SUGCT: variants seen among roughly 807,000 people sequenced by gnomAD.
SUGCT encodes the protein succinyl-CoA:glutarate CoA-transferase.
SUGCT carries 41 observed loss-of-function variants against 55.0 expected under a neutral mutation model. The observed-to-expected ratio is 0.74, with a 90% CI of 0.58 to 0.97. SUGCT has a LOEUF of 0.97. Among genes scored for constraint, SUGCT ranks in the 50% least tolerant of loss-of-function variants. The pLI is 0.00. For synonymous variants in SUGCT, 187 were observed against 200.4 expected (o/e 0.93, Z 0.56); for missense variants, 568 against 547.8 (o/e 1.04, Z -0.37).
chr7:40,948,572 A>T, the SUGCT span, among the ~76,000 whole-genome samples: 5 of 152,232 alleles, frequency 3.3e-5, no homozygotes, highest in African/African-American at 1.2e-4. Context: ...CGTCATCTAC[A>T]CTAGGTATTT....
chr7:40,579,647 G>A (rs888477653), intron 12 of SUGCT, among the ~76,000 whole-genome samples: 1 of 152,186 alleles, frequency 6.6e-6, no homozygotes, highest in Non-Finnish European at 1.5e-5. Flanking sequence ...GCACGTGGGT[G>A]TCTAGATTCC....
At chr7:40,424,945 A>G (rs1787509599) in intron 9 of SUGCT, among the ~76,000 whole-genome samples, 1 of 152,138 alleles carries the variant, frequency 6.6e-6, no homozygotes, top group Non-Finnish European at 1.5e-5. Flanking sequence ...AGCTATTGTA[A>G]TTATTTACAA....
At chr7:40,810,360 C>A (rs565296688) in intron 13 of SUGCT, among the ~76,000 whole-genome samples, 2 of 152,264 alleles carry the variant, frequency 1.3e-5, no homozygotes, top group African/African-American at 4.8e-5. Flanking sequence ...TCCACAGTGG[C>A]TGAACTAATT....
chr7:40,403,844 T>C (rs1786218044), intron 9 of SUGCT, among the ~76,000 whole-genome samples: 1 of 152,234 alleles, frequency 6.6e-6, no homozygotes. Flanking sequence ...AGTGCAAACA[T>C]GCCCTTTTAA....
chr7:40,250,770 T>C (rs1408382204), intron 7 of SUGCT, among the ~76,000 whole-genome samples: 3 of 151,376 alleles, frequency 2.0e-5, no homozygotes, highest in Non-Finnish European at 4.4e-5. Context: ...TAAAAGATCC[T>C]GTGGGGGTTG....
At chr7:40,339,505 A>G (rs1188859950) in intron 9 of SUGCT, among the ~76,000 whole-genome samples, 2 of 152,142 alleles carry the variant, frequency 1.3e-5, no homozygotes, top group African/African-American at 4.8e-5. Flanking sequence ...CCGCTGTGCT[A>G]GCAATGAGTG....
rs189466933 is a variant in SUGCT, at chr7:40,571,044, T to C, written c.1089+74658T>C. Among the ~76,000 whole-genome samples, 43 of 152,138 alleles carry C rather than the reference T, an allele frequency of 2.8e-4. No individual in the cohort carries two copies. In the South Asian group the frequency reaches 6.2e-3, roughly 22 times the overall value. On this transcript the variant is annotated intron_variant, in intron 12 of 13. Coordinates refer to ENST00000335693, the MANE Select transcript of SUGCT (RefSeq NM_001193313.2). ...TATAAAAGCTGTAGGCTTTTATAAA[T>C]GTACCACTTTCTTTCTGGGCCTCAG...
intron 13 of SUGCT, among the ~76,000 whole-genome samples, chr7:40,859,891 T>C (rs565209097): frequency 1.8e-4 from 28 of 152,286 alleles, no homozygotes; most frequent in Admixed American, 1.0e-3. Flanking sequence ...ACAGTAGACA[T>C]TGAGTAGTCA....
At chr7:40,438,712 C>T (rs527741290) in intron 9 of SUGCT, among the ~76,000 whole-genome samples, 1 of 152,136 alleles carries the variant, frequency 6.6e-6, no homozygotes, top group Admixed American at 6.6e-5. Flanking sequence ...TGACTGTTTA[C>T]AGCCCAATTC....
rs1315445393 is a variant in SUGCT at position 40,262,730 on chromosome 7, A to ACACATTT, written c.577-11783_577-11782insCACATTT. On this transcript the variant is annotated intron_variant, in intron 7 of 13. Coordinates refer to ENST00000335693, the MANE Select transcript of SUGCT (RefSeq NM_001193313.2). ...TCTTGACTGCAGTTGTAGAAATGACAAATTAACTCACACATTTAAAATTTT... is the reference window on the plus strand; with the variant it reads ...TCTTGACTGCAGTTGTAGAAATGACACACATTTAATTAACTCACACATTTAAAATTTT... 4.6e-5 allele frequency among the ~76,000 whole-genome samples: 7 copies of ACACATTT among 152,302 alleles called. No homozygotes were observed. In the East Asian group the frequency reaches 1.4e-3, roughly 29 times the overall value.
chr7:40,986,808 C>T, the SUGCT span, among the ~76,000 whole-genome samples: 39 of 152,094 alleles, frequency 2.6e-4, no homozygotes, highest in Non-Finnish European at 4.7e-4. Context: ...TAAATCAGGC[C>T]ATTATGCAAT....
the SUGCT span, among the ~76,000 whole-genome samples, chr7:40,875,677 A>G: frequency 6.6e-6 from 1 of 152,234 alleles, no homozygotes; most frequent in Admixed American, 6.5e-5. Flanking sequence ...TTCCTAATGT[A>G]GACAATAATG....
intron 7 of SUGCT, among the ~76,000 whole-genome samples, chr7:40,272,063 G>GTCTCTC (rs1235672821): frequency 1.7e-4 from 12 of 70,822 alleles, no homozygotes; most frequent in African/African-American, 6.4e-4. Context: ...CTCTCTCTCT[G>GTCTCTC]TCTCGCTCTC....
chr7:40,934,486 G>A, the SUGCT span, among the ~76,000 whole-genome samples: 1 of 152,230 alleles, frequency 6.6e-6, no homozygotes. Context: ...CTGTCAGACA[G>A]CGATGTTTAA....
chr7:40,192,655 G>A (rs1785982703), intron 5 of SUGCT, among the ~76,000 whole-genome samples: 1 of 144,190 alleles, frequency 6.9e-6, no homozygotes, highest in African/African-American at 2.6e-5. Flanking sequence ...TTTTGAGGTG[G>A]AGTTTTGCTC....
chr7:40,725,730 A>C (rs1266386228), intron 12 of SUGCT, among the ~76,000 whole-genome samples: 2 of 152,192 alleles, frequency 1.3e-5, no homozygotes, highest in African/African-American at 4.8e-5. Context: ...GTTTCTCAGC[A>C]GAGTTAATAC....
intron 9 of SUGCT, among the ~76,000 whole-genome samples, chr7:40,383,664 TAAGG>T (rs993809749): frequency 6.6e-6 from 1 of 152,144 alleles, no homozygotes; most frequent in Non-Finnish European, 1.5e-5. Context: ...GGAATTCTGA[TAAGG>T]AAGAGATTGT....
the SUGCT span, among the ~76,000 whole-genome samples, chr7:40,984,634 C>T: frequency 2.6e-5 from 4 of 152,152 alleles, no homozygotes; most frequent in Non-Finnish European, 4.4e-5. Flanking sequence ...TCCTTTAAGA[C>T]TCCTTCCATC....
intron 12 of SUGCT, among the ~76,000 whole-genome samples, chr7:40,569,920 C>T (rs1017551471): frequency 1.3e-5 from 2 of 152,004 alleles, no homozygotes; most frequent in Non-Finnish European, 2.9e-5. Context: ...AAAATTTATG[C>T]GATTATTCTT....
Sources: gnomAD v4.1 joint callset for allele counts (sites outside exome capture counted in the v4.1 genomes callset) on GRCh38, gnomAD v4.1.1 for gene constraint, MANE v1.5 for transcripts, NCBI Gene and HGNC (gene_info 2026-07-23, HGNC 2026-07-21) for gene names.